Variants in MYO5B observed in about 807,000 individuals in gnomAD.
MYO5B encodes the protein myosin VB, also known as unconventional myosin-Vb.
A neutral mutation model predicts 229.3 loss-of-function variants in MYO5B; 143 were observed. The observed-to-expected ratio is 0.62, with a 90% CI of 0.54 to 0.72. The LOEUF is 0.72. MYO5B is among the 30% of genes least tolerant of loss of function. The pLI is 0.00. For synonymous variants in MYO5B, 918 were observed against 885.2 expected (o/e 1.04, Z -0.66); for missense variants, 2,321 against 2,331.0 (o/e 1.00, Z 0.09).
At chr18:49,988,209 G>C (rs1422636345) in intron 7 of MYO5B, among the ~76,000 whole-genome samples, 4 of 152,210 alleles carry the variant, frequency 2.6e-5, no homozygotes, top group African/African-American at 9.6e-5. Flanking sequence ...TATTCACTTA[G>C]AGCCCTTGGC....
chr18:49,839,326 C>A, intron 35 of MYO5B, 32 bp from the exon 36 acceptor site: 1 of 1,609,474 alleles, frequency 6.2e-7, no homozygotes. Context: ...CTACTGAGTT[C>A]TCTGGTCTGC....
chr18:50,080,220 G>GA (rs2031186028), intron 1 of MYO5B, among the ~76,000 whole-genome samples: 1 of 152,088 alleles, frequency 6.6e-6, no homozygotes, highest in African/African-American at 2.4e-5. Context: ...AAGCCCTTGG[G>GA]AGCAGACTGA....
chr18:50,047,508 C>T (rs1475361130), intron 2 of MYO5B, among the ~76,000 whole-genome samples: 1 of 152,170 alleles, frequency 6.6e-6, no homozygotes, highest in Non-Finnish European at 1.5e-5. Flanking sequence ...TAAACTAGTT[C>T]AACCATTGTG....
intron 2 of MYO5B, among the ~76,000 whole-genome samples, chr18:50,046,833 T>C (rs929802020): frequency 4.6e-5 from 7 of 152,090 alleles, no homozygotes; most frequent in African/African-American, 1.7e-4. Context: ...AAACAAGCAA[T>C]GGGGAAAGGA....
At chr18:50,062,821 C>A (rs1432813218) in intron 1 of MYO5B, among the ~76,000 whole-genome samples, 1 of 152,122 alleles carries the variant, frequency 6.6e-6, no homozygotes, top group Non-Finnish European at 1.5e-5. Context: ...TGGGCTCCCA[C>A]TATGGGAGAC....
intron 29 of MYO5B, among the ~76,000 whole-genome samples, chr18:49,862,659 C>A (rs1243228563): frequency 2.0e-5 from 3 of 152,218 alleles, no homozygotes; most frequent in African/African-American, 7.2e-5. Context: ...CTTGCCTTAA[C>A]CCTGGCTCAG....
chr18:50,110,211 C>T (rs1342839555), intron 1 of MYO5B, among the ~76,000 whole-genome samples: 1 of 146,818 alleles, frequency 6.8e-6, no homozygotes, highest in Admixed American at 6.6e-5. Flanking sequence ...TGCATGGCCT[C>T]GAATTTCACC....
chr18:49,838,696 T>C (rs1313598771), intron 36 of MYO5B, among the ~76,000 whole-genome samples: 2 of 152,224 alleles, frequency 1.3e-5, no homozygotes, highest in African/African-American at 4.8e-5. Context: ...TCATGTTCAG[T>C]GCCCAAGTAC....
At chr18:49,859,723 G>C (rs1377540809) in intron 29 of MYO5B, among the ~76,000 whole-genome samples, 1 of 152,138 alleles carries the variant, frequency 6.6e-6, no homozygotes, top group Non-Finnish European at 1.5e-5. Context: ...CAGAACTTTG[G>C]GGAACATAAG....
chr18:50,098,945 A>C (rs966097016), intron 1 of MYO5B: 2 of 153,148 alleles, frequency 1.3e-5, no homozygotes, highest in Admixed American at 6.5e-5. Flanking sequence ...CCACTGTCAA[A>C]GTTGTAAACC....
chr18:49,836,203 G>T (rs931879656), intron 38 of MYO5B, among the ~76,000 whole-genome samples: 2 of 152,172 alleles, frequency 1.3e-5, no homozygotes, highest in African/African-American at 4.8e-5. Flanking sequence ...TAGGGAAAAG[G>T]AAAGTAACAC....
intron 2 of MYO5B, among the ~76,000 whole-genome samples, chr18:50,047,080 T>C (rs995447573): frequency 3.3e-5 from 5 of 151,896 alleles, no homozygotes; most frequent in Admixed American, 6.6e-5. Context: ...AAAGCCAAAA[T>C]TGACAAATGG....
chr18:49,887,506 C>T (rs569503192), intron 22 of MYO5B, among the ~76,000 whole-genome samples: 5 of 152,150 alleles, frequency 3.3e-5, no homozygotes, highest in Middle Eastern at 3.4e-3. Context: ...GGCACCTCCC[C>T]GCTCTCTCTT....
chr18:49,945,808 G>A lies in MYO5B; in HGVS notation c.1752+7452C>T, dbSNP rs147765625. Among the ~76,000 whole-genome samples, 113 of 152,134 alleles carry A rather than the reference G, an allele frequency of 7.4e-4. 2 individuals carry two copies. The highest frequency in any genetic ancestry group is 2.0e-3 in the African/African-American group (82 of 41,520). On this transcript the variant is annotated intron_variant, in intron 14 of 39. Transcript: ENST00000285039. ...GGGCCTGGGGGCTCCATGGACCAGG[G>A]CCAGAGAGCCAAGACACAGGTAAGA... is the stretch of plus-strand genomic sequence containing the variant.
chr18:49,858,399 A>G (rs1439575485), intron 29 of MYO5B, among the ~76,000 whole-genome samples: 1 of 152,230 alleles, frequency 6.6e-6, no homozygotes, highest in Non-Finnish European at 1.5e-5. Flanking sequence ...CTGAAAGGGA[A>G]CAAGTGCAGG....
At chr18:49,860,342 C>G (rs989648039) in intron 29 of MYO5B, among the ~76,000 whole-genome samples, 6 of 152,126 alleles carry the variant, frequency 3.9e-5, no homozygotes, top group Non-Finnish European at 7.3e-5. Flanking sequence ...CCATATACAG[C>G]CCTGAAAAGA....
chr18:50,013,531 T>C (rs1186773010), intron 4 of MYO5B, among the ~76,000 whole-genome samples: 4 of 152,164 alleles, frequency 2.6e-5, no homozygotes. Flanking sequence ...AATTACAGAT[T>C]CCCTCACTAA....
Position 49,872,965 on chromosome 18 carries a change from G to A in MYO5B, c.3538-733C>T, listed in dbSNP as rs186443003. The stretch of plus-strand genomic sequence containing the variant: ...TCTAGTAACAAGGCTAACAAGTTAC[G>A]TTCCAATTTATGAGGGAGGAAAGCT... On this transcript the variant is annotated intron_variant, in intron 26 of 39. Transcript: ENST00000285039. Among the ~76,000 whole-genome samples, 500 of 152,272 alleles carry A rather than the reference G, an allele frequency of 3.3e-3. 2 individuals carry two copies. The highest frequency in any genetic ancestry group is 5.0e-3 in the Non-Finnish European group (341 of 68,022).
intron 1 of MYO5B, among the ~76,000 whole-genome samples, chr18:50,179,061 T>A (rs752436979): frequency 5.9e-5 from 9 of 152,208 alleles, no homozygotes; most frequent in Non-Finnish European, 1.3e-4. Flanking sequence ...ATTATTATAC[T>A]AATAAATAAA....
Sources: allele counts gnomAD v4.1 joint callset (sites outside exome capture counted in the v4.1 genomes callset), GRCh38; gene constraint gnomAD v4.1.1; transcripts MANE v1.5; gene names NCBI Gene and HGNC (gene_info 2026-07-23, HGNC 2026-07-21).